The following CLSTN2 variants were observed in gnomAD, a reference collection of about 807,000 sequenced individuals.
The protein encoded by CLSTN2 is calsyntenin 2.
Under a neutral mutation model 101.2 loss-of-function variants are expected in CLSTN2, and 48 were observed. The observed-to-expected ratio is 0.47, with a 90% CI of 0.38 to 0.60. The LOEUF is 0.60. Among genes scored for constraint, CLSTN2 ranks in the 20% least tolerant of loss-of-function variants. The pLI is 0.00. For missense variants in CLSTN2, 1,160 were observed against 1,238.2 expected, an observed-to-expected ratio of 0.94 and a Z score of 0.95; for synonymous variants, 481 against 463.6, an observed-to-expected ratio of 1.04 and a Z score of -0.48.
intron 10 of CLSTN2, among the ~76,000 whole-genome samples, chr3:140,549,750 GACT>G (rs941173070): frequency 6.8e-6 from 1 of 148,108 alleles, no homozygotes; most frequent in Non-Finnish European, 1.5e-5. Flanking sequence ...TCTGAATAAT[GACT>G]ACTATTTTAT....
At chr3:140,134,488 C>T (rs944860920) in intron 1 of CLSTN2, among the ~76,000 whole-genome samples, 1 of 152,158 alleles carries the variant, frequency 6.6e-6, no homozygotes, top group Non-Finnish European at 1.5e-5. Flanking sequence ...TCATAAGGCC[C>T]TCCAAGCAGT....
In CLSTN2 at chr3:140,408,964, A is replaced by G. The variant is rs563804909; in HGVS notation, c.637+4198A>G. Among the ~76,000 whole-genome samples, 8 of 152,252 alleles carry G rather than the reference A, an allele frequency of 5.3e-5. No individual in the cohort carries two copies. The South Asian group carries it at 8.3e-4, about 16-fold the overall frequency. On this transcript the variant is annotated intron_variant, in intron 4 of 16. Coordinates refer to ENST00000458420, the MANE Select transcript of CLSTN2 (RefSeq NM_022131.3). The stretch of plus-strand genomic sequence containing the variant: ...TATCGCTGTACACGTGCAAGCCCCA[A>G]CTTTTGTCCCTGGCCCCCACCACTG...
intron 1 of CLSTN2, among the ~76,000 whole-genome samples, chr3:140,054,513 A>T (rs1287107853): frequency 1.3e-5 from 2 of 152,054 alleles, no homozygotes; most frequent in Non-Finnish European, 2.9e-5. Flanking sequence ...ATGACTTGTA[A>T]ACCTAGATCT....
chr3:140,004,431 C>T (rs2006913553), intron 1 of CLSTN2, among the ~76,000 whole-genome samples: 1 of 152,150 alleles, frequency 6.6e-6, no homozygotes, highest in Non-Finnish European at 1.5e-5. Flanking sequence ...CACCTCTGGC[C>T]ATCTGGATCC....
At chr3:140,280,304 C>A (rs561783758) in intron 2 of CLSTN2, among the ~76,000 whole-genome samples, 1 of 152,110 alleles carries the variant, frequency 6.6e-6, no homozygotes, top group South Asian at 2.1e-4. Flanking sequence ...TCTGTCATTT[C>A]GGATCCTGGG....
At chr3:140,122,429 T>G (rs1458243195) in intron 1 of CLSTN2, among the ~76,000 whole-genome samples, 1 of 152,222 alleles carries the variant, frequency 6.6e-6, no homozygotes, top group Non-Finnish European at 1.5e-5. Flanking sequence ...TAACCACTAA[T>G]GGAATCACGT....
At chr3:139,942,574 G>A (rs760008104) in intron 1 of CLSTN2, among the ~76,000 whole-genome samples, 1 of 152,182 alleles carries the variant, frequency 6.6e-6, no homozygotes, top group African/African-American at 2.4e-5. Context: ...GCAAGGGCGG[G>A]AGGAGATCAT....
chr3:140,135,117 CATATATATATATATATAT>C (rs66931848), intron 1 of CLSTN2, among the ~76,000 whole-genome samples: 15 of 58,116 alleles, frequency 2.6e-4, no homozygotes, highest in South Asian at 6.4e-4. Flanking sequence ...CACACACACA[CATATATATATATATATAT>C]ATATATATAT....
chr3:140,563,917 A>C, intron 15 of CLSTN2, 44 bp from the exon 16 acceptor site: 1 of 1,586,346 alleles, frequency 6.3e-7, no homozygotes, highest in Non-Finnish European at 8.6e-7. Context: ...AGAATGAGCT[A>C]GGCCTTTGTT....
chr3:140,220,731 A>C (rs1220819744), intron 2 of CLSTN2, among the ~76,000 whole-genome samples: 1 of 152,232 alleles, frequency 6.6e-6, no homozygotes, highest in Non-Finnish European at 1.5e-5. Flanking sequence ...ACATCCATGA[A>C]CTTAGTGAAG....
In CLSTN2 at chr3:140,041,370, G is replaced by A. The variant is rs141678169; in HGVS notation, c.109+105887G>A. Among the ~76,000 whole-genome samples the A allele has an allele frequency of 5.5e-3, 837 of 151,230 alleles. 20 individuals carry two copies. Among genetic ancestry groups the A allele is most frequent in the Admixed American group, 0.034 (510 of 15,192 alleles). On this transcript the variant is annotated intron_variant, in intron 1 of 16. Coordinates refer to ENST00000458420, the MANE Select transcript of CLSTN2 (RefSeq NM_022131.3). ...GATAACAGAGGGGTCAGCAGAAAAGGCTTCTGGGCAGACCCTTGTCTCTCC... is the reference window on the plus strand; with the variant it reads ...GATAACAGAGGGGTCAGCAGAAAAGACTTCTGGGCAGACCCTTGTCTCTCC...
intron 2 of CLSTN2, among the ~76,000 whole-genome samples, chr3:140,308,485 T>C (rs2087134897): frequency 6.6e-6 from 1 of 152,192 alleles, no homozygotes; most frequent in African/African-American, 2.4e-5. Context: ...AATAAATGTG[T>C]GGTGTTTATG....
At chr3:140,341,421 A>C (rs1433877805) in intron 2 of CLSTN2, among the ~76,000 whole-genome samples, 1 of 152,200 alleles carries the variant, frequency 6.6e-6, no homozygotes, top group Non-Finnish European at 1.5e-5. Context: ...AGCAACTTCC[A>C]ATAGTGTCGA....
At chr3:140,376,599 C>T (rs1341674000) in intron 2 of CLSTN2, among the ~76,000 whole-genome samples, 1 of 152,164 alleles carries the variant, frequency 6.6e-6, no homozygotes, top group Non-Finnish European at 1.5e-5. Flanking sequence ...CTTTTAAATG[C>T]TATTACAAAG....
At chr3:140,307,228 C>A (rs72990200) in intron 2 of CLSTN2, among the ~76,000 whole-genome samples, 4,059 of 152,250 alleles carry the variant, frequency 0.027, 102 homozygotes, top group South Asian at 0.083. Flanking sequence ...ATTGCCCACT[C>A]GGGTGTGTCT....
intron 2 of CLSTN2, among the ~76,000 whole-genome samples, chr3:140,370,249 C>T (rs1408898505): frequency 1.3e-5 from 2 of 152,176 alleles, no homozygotes; most frequent in Non-Finnish European, 2.9e-5. Context: ...CCCCCATGCC[C>T]ACGCCTTGAT....
intron 1 of CLSTN2, among the ~76,000 whole-genome samples, chr3:140,155,114 C>T (rs1278746112): frequency 6.6e-6 from 1 of 152,106 alleles, no homozygotes; most frequent in Non-Finnish European, 1.5e-5. Context: ...ATTGCCAGGA[C>T]CTGCTTCCTT....
intron 1 of CLSTN2, among the ~76,000 whole-genome samples, chr3:140,141,913 G>A (rs2107809497): frequency 6.6e-6 from 1 of 152,356 alleles, no homozygotes; most frequent in South Asian, 2.1e-4. Context: ...GCTTACCCCA[G>A]AAGGGGTCTT....
At chr3:140,243,885 A>G (rs533927972) in intron 2 of CLSTN2, among the ~76,000 whole-genome samples, 3 of 152,222 alleles carry the variant, frequency 2.0e-5, no homozygotes, top group Non-Finnish European at 4.4e-5. Flanking sequence ...ACAGGCCAAG[A>G]GAGATGCTCC....
Sources: gnomAD v4.1 joint callset for allele counts (sites outside exome capture counted in the v4.1 genomes callset) on GRCh38, gnomAD v4.1.1 for gene constraint, MANE v1.5 for transcripts, NCBI Gene and HGNC (gene_info 2026-07-23, HGNC 2026-07-21) for gene names.